The following BIN2 variants were observed in gnomAD, a reference collection of about 807,000 sequenced individuals.
BIN2 encodes bridging integrator 2.
Under a neutral mutation model 67.9 loss-of-function variants are expected in BIN2, and 43 were observed. The ratio of observed to expected loss-of-function variants is 0.63; its 90% CI spans 0.50 to 0.82. BIN2 has a LOEUF of 0.82. Ranked by LOEUF, BIN2 falls within the 40% of genes least tolerant of loss-of-function variation. The pLI is 0.00. For missense variants in BIN2, 581 were observed against 671.6 expected (o/e 0.87, Z 1.49); for synonymous variants, 244 against 246.8 (o/e 0.99, Z 0.11).
intron 1 of BIN2, among the ~76,000 whole-genome samples, chr12:51,316,371 A>G (rs947263328): frequency 1.3e-5 from 2 of 151,430 alleles, no homozygotes; most frequent in Non-Finnish European, 2.9e-5. Flanking sequence ...TGGCAGACGC[A>G]TGTAATCCCA....
intron 2 of BIN2, among the ~76,000 whole-genome samples, chr12:51,305,833 T>A (rs937314906): frequency 4.5e-5 from 6 of 132,098 alleles, no homozygotes; most frequent in Non-Finnish European, 9.9e-5. Flanking sequence ...TTTCTTTTTT[T>A]TTTTTTTTTT....
chr12:51,293,296 A>C (rs1215460234), intron 9 of BIN2, among the ~76,000 whole-genome samples: 2 of 151,130 alleles, frequency 1.3e-5, no homozygotes, highest in Non-Finnish European at 3.0e-5. Context: ...AAAAAAAACC[A>C]CCTTATTTTT....
chr12:51,290,804 G>A (rs948372095), intron 10 of BIN2, among the ~76,000 whole-genome samples: 1 of 152,042 alleles, frequency 6.6e-6, no homozygotes, highest in African/African-American at 2.4e-5. Flanking sequence ...ATGGTGGCCG[G>A]CACCCGTAGT....
chr12:51,286,653 A>T (rs537506957), intron 11 of BIN2, among the ~76,000 whole-genome samples: 4 of 152,324 alleles, frequency 2.6e-5, no homozygotes, highest in Admixed American at 6.5e-5. Flanking sequence ...AATCAATTCA[A>T]CCATTGAGTT....
chr12:51,294,403 C>T (rs1490999539), intron 9 of BIN2, among the ~76,000 whole-genome samples: 1 of 152,026 alleles, frequency 6.6e-6, no homozygotes, highest in Admixed American at 6.6e-5. Flanking sequence ...CGCGTCTCTA[C>T]TAAAAATACA....
intron 1 of BIN2, among the ~76,000 whole-genome samples, chr12:51,321,861 T>C (rs575010434): frequency 6.8e-4 from 104 of 152,366 alleles, no homozygotes; most frequent in African/African-American, 2.3e-3. Flanking sequence ...TTCATTTTAG[T>C]GCAAATTTCT....
Position 51,281,524 on chromosome 12 carries a change from G to A in BIN2, c.1673C>T (p.Ser558Phe), listed in dbSNP as rs1272937553. The A allele has an allele frequency of 1.2e-6, 2 of 1,614,102 alleles. No homozygotes were observed. The highest frequency in any genetic ancestry group is 1.7e-6 in the Non-Finnish European group (2 of 1,180,000). ...LTAPEPQEEV[S>F]TSENPQL ...TCAGAGTTGTGGATTTTCACTTGTG[G>A]ATACCTGGAAAGTAAACATGATTGT... is the stretch of plus-strand genomic sequence containing the variant. The change falls in exon 13 of 13, where the codon TCC becomes TTC. Residue 558 changes from serine (S) to phenylalanine (F), a missense_variant. Ser to Phe is a radical substitution (Grantham distance 155, BLOSUM62 -2). Coordinates refer to ENST00000615107, the MANE Select transcript of BIN2 (RefSeq NM_016293.4).
chr12:51,299,427 C>G, intron 6 of BIN2, 139 bp from the exon 7 acceptor site: 2 of 997,630 alleles, frequency 2.0e-6, no homozygotes, highest in Admixed American at 4.0e-5. Flanking sequence ...ATGCCCTCCC[C>G]AGCCTCAAGA....
chr12:51,289,788 C>T (rs1238457173), intron 10 of BIN2, among the ~76,000 whole-genome samples: 1 of 150,446 alleles, frequency 6.6e-6, no homozygotes, highest in African/African-American at 2.4e-5. Context: ...TCACTGCAGC[C>T]TCGACCTCAT....
chr12:51,281,564 T>C, intron 12 of BIN2, 36 bp from the exon 13 acceptor site: 2 of 1,612,124 alleles, frequency 1.2e-6, no homozygotes, highest in Non-Finnish European at 8.5e-7. Context: ...GGTGTTGACC[T>C]GCCTTCCCAC....
chr12:51,305,927 G>A (rs1486616963), intron 2 of BIN2, among the ~76,000 whole-genome samples: 1 of 145,068 alleles, frequency 6.9e-6, no homozygotes, highest in Non-Finnish European at 1.5e-5. Flanking sequence ...TCCGCCTCCT[G>A]GGTTCAAGCG....
chr12:51,311,822 A>G (rs1480611907), intron 2 of BIN2, among the ~76,000 whole-genome samples: 2 of 151,604 alleles, frequency 1.3e-5, no homozygotes, highest in East Asian at 3.9e-4. Flanking sequence ...CCCAGGCTGG[A>G]GTGCAGTGGT....
At chr12:51,294,578 AAAC>A (rs1565675027) in intron 9 of BIN2, among the ~76,000 whole-genome samples, 2 of 151,856 alleles carry the variant, frequency 1.3e-5, no homozygotes, top group African/African-American at 4.8e-5. Context: ...AAAAAAAAAA[AAAC>A]AAAAAAAACC....
intron 2 of BIN2, among the ~76,000 whole-genome samples, chr12:51,313,184 G>GAGGAAGGAAGGA (rs534447282): frequency 0.065 from 7,426 of 113,740 alleles, 417 homozygotes; most frequent in African/African-American, 0.11. Flanking sequence ...GTTGCAGTGA[G>GAGGAAGGAAGGA]AGGAAGGAAG....
intron 7 of BIN2, among the ~76,000 whole-genome samples, chr12:51,297,566 T>TA (rs1001145667): frequency 5.9e-5 from 9 of 151,746 alleles, no homozygotes; most frequent in Non-Finnish European, 1.2e-4. Flanking sequence ...GACTCTATTT[T>TA]AAAAAATAAA....
chr12:51,313,248 C>CAGGCAGGCAGGG (rs1266286647), intron 2 of BIN2, among the ~76,000 whole-genome samples: 6 of 143,974 alleles, frequency 4.2e-5, no homozygotes, highest in African/African-American at 1.5e-4. Flanking sequence ...GGCAGGCAGG[C>CAGGCAGGCAGGG]AGGGAGGGAG....
chr12:51,306,098 AGT>A (rs1459711573), intron 2 of BIN2, among the ~76,000 whole-genome samples: 1 of 151,936 alleles, frequency 6.6e-6, no homozygotes, highest in Non-Finnish European at 1.5e-5. Flanking sequence ...GGCCTCCCAA[AGT>A]GCTGGGATTA....
At chr12:51,311,970 C>G (rs1257038445) in intron 2 of BIN2, among the ~76,000 whole-genome samples, 2 of 152,084 alleles carry the variant, frequency 1.3e-5, no homozygotes, top group Non-Finnish European at 2.9e-5. Context: ...TGGGGTTTTA[C>G]CATGTTGGCC....
rs766113615 is a variant in BIN2, at chr12:51,303,072, T to C, written c.217+15A>G. The C allele has an allele frequency of 3.1e-6, 5 of 1,613,436 alleles. No homozygotes were observed. In the East Asian group the frequency reaches 6.7e-5, roughly 22 times the overall value. On this transcript the variant is annotated intron_variant, in intron 3 of 12. Transcript: ENST00000615107. ...TATAAATGCCCTCTGGATTCTCCCA[T>C]GCTGCATTGCCCACCTTTGACTGCA...
Sources: allele counts gnomAD v4.1 joint callset (sites outside exome capture counted in the v4.1 genomes callset), GRCh38; gene constraint gnomAD v4.1.1; transcripts MANE v1.5; gene names NCBI Gene and HGNC (gene_info 2026-07-23, HGNC 2026-07-21).